The following HPS5 variants were observed in gnomAD, a reference collection of about 807,000 sequenced individuals.
HPS5 encodes the protein BLOC-2 complex member HPS5.
Under a neutral mutation model 128.0 loss-of-function variants are expected in HPS5, and 83 were observed. The ratio of observed to expected loss-of-function variants is 0.65; its 90% CI spans 0.54 to 0.78. The LOEUF (loss-of-function observed/expected upper bound fraction) is 0.78. Ranked by LOEUF, HPS5 falls within the 30% of genes least tolerant of loss-of-function variation. HPS5 has a pLI of 0.00. For synonymous variants in HPS5, 475 were observed against 470.2 expected, an observed-to-expected ratio of 1.01 and a Z score of -0.13; for missense variants, 1,281 against 1,326.2, an observed-to-expected ratio of 0.97 and a Z score of 0.53.
chr11:18,305,601 C>A, intron 7 of HPS5, 108 bp from the exon 8 acceptor site: 1 of 738,046 alleles, frequency 1.4e-6, no homozygotes, highest in Admixed American at 2.1e-5. Flanking sequence ...AATTCAAGAG[C>A]CTAACTGCAT....
rs1449650575 is a variant in HPS5, at chr11:18,309,015, T to C, written c.542A>G (p.Gln181Arg). 1 of 1,613,696 alleles carries C rather than the reference T, an allele frequency of 6.2e-7. No homozygotes were observed. Among genetic ancestry groups the C allele is most frequent in the Non-Finnish European group, 8.5e-7 (1 of 1,179,788 alleles). The change falls in exon 6 of 23, where the codon CAG becomes CGG. Residue 181 changes from glutamine (Q) to arginine (R), a missense_variant. Transcript: ENST00000349215. ...TAGCCTTCCATCCAAATAATCTAAC[T>C]GTACAACACAGGAGTCAACAGTTGT... is the stretch of plus-strand genomic sequence containing the variant. ...TITTVDSCVV[Q>R]LDYLDGRLLI...
At chr11:18,302,407 A>G (rs1861802720) in intron 8 of HPS5, among the ~76,000 whole-genome samples, 1 of 152,194 alleles carries the variant, frequency 6.6e-6, no homozygotes, top group Non-Finnish European at 1.5e-5. Context: ...ATCCTCCCTT[A>G]CAGCCCACAA....
intron 15 of HPS5, among the ~76,000 whole-genome samples, 188 bp from the exon 16 acceptor site, chr11:18,292,207 T>C (rs915329354): frequency 3.0e-5 from 4 of 132,858 alleles, no homozygotes; most frequent in African/African-American, 8.4e-5. Context: ...TGTAGTGTTT[T>C]ACTTTTTTTT....
At chr11:18,305,372 A>G in intron 8 of HPS5, 50 bp downstream of exon 8, 2 of 1,214,466 alleles carry the variant, frequency 1.6e-6, no homozygotes, top group Middle Eastern at 1.9e-4. Context: ...CAGAGATAAA[A>G]ATCTAAGTAT....
In HPS5 at chr11:18,311,897, G is replaced by A; in HGVS notation, c.219+17C>T. On this transcript the variant is annotated intron_variant, in intron 3 of 22. Transcript: ENST00000349215. The stretch of plus-strand genomic sequence containing the variant: ...GAGACTCCAAATGGTGTATGACAGA[G>A]CTGCCCTTAATCTTACCCTGTGTGA... 1 of 1,473,488 alleles carries A rather than the reference G, an allele frequency of 6.8e-7. No homozygotes were observed. Among genetic ancestry groups the A allele is most frequent in the East Asian group, 2.3e-5 (1 of 44,188 alleles). The allele number at this position is 1,473,488 out of a possible 1,614,324, so 91.3% of individuals were successfully genotyped here.
intron 2 of HPS5, among the ~76,000 whole-genome samples, chr11:18,316,059 T>C (rs1361520733): frequency 2.6e-5 from 4 of 152,008 alleles, no homozygotes; most frequent in Non-Finnish European, 1.5e-5. Flanking sequence ...AGGCCAGGAG[T>C]TCGATGTTAT....
At chr11:18,297,332 C>T (rs1861197099) in intron 11 of HPS5, among the ~76,000 whole-genome samples, 1 of 152,088 alleles carries the variant, frequency 6.6e-6, no homozygotes, top group African/African-American at 2.4e-5. Context: ...ATGAGTATAT[C>T]AGGGAACAAA....
chr11:18,304,591 C>A (rs901052818), intron 8 of HPS5, among the ~76,000 whole-genome samples: 6 of 152,160 alleles, frequency 3.9e-5, no homozygotes, highest in African/African-American at 1.4e-4. Context: ...CCCTTAGAGG[C>A]AATTAGTTAA....
At chr11:18,280,181 A>G (rs568386116) in intron 22 of HPS5, among the ~76,000 whole-genome samples, 1 of 152,366 alleles carries the variant, frequency 6.6e-6, no homozygotes, top group Admixed American at 6.5e-5. Context: ...AACAACAACG[A>G]AAACACCCAA....
Position 18,287,609 on chromosome 11 carries a change from T to C in HPS5, c.2643A>G (p.Gln881=), listed in dbSNP as rs1859900365. The C allele has an allele frequency of 3.7e-6, 6 of 1,614,206 alleles. No homozygotes were observed. The highest frequency in any genetic ancestry group is 2.2e-5 in the South Asian group (2 of 91,086). Residue 881 remains glutamine, a synonymous_variant, in exon 18 of 23, where the codon CAA becomes CAG. Coordinates refer to ENST00000349215, the MANE Select transcript of HPS5 (RefSeq NM_181507.2). ...FPSILPSDII[Q]LCHHHPAEFL... ...ACTCAGCAGGATGATGATGACAAAG[T>C]TGTATGATATCCGATGGCAAAATGG...
rs1863072533 is a variant in HPS5 at position 18,311,941 on chromosome 11, C to T, written c.192G>A (p.Trp64Ter). ...GGLHLIQKEG[W>*]KHRLFLSHRE... Reference sequence around the variant, plus strand: ...TGTGTGAAAGAAAAAGCCTGTGCTTCCAGCCTTCTTTCTGAATGAGATGGA... The same window carrying T: ...TGTGTGAAAGAAAAAGCCTGTGCTTTCAGCCTTCTTTCTGAATGAGATGGA... Residue 64 changes from tryptophan to a stop codon, truncating the protein, a stop_gained, in exon 3 of 23, where the codon TGG (tryptophan) becomes TGA (stop). Transcript: ENST00000349215. LOFTEE classifies it high-confidence loss of function. 2.5e-6 allele frequency: 4 copies of T among 1,613,790 alleles called. No homozygotes were observed. Among genetic ancestry groups the T allele is most frequent in the Non-Finnish European group, 3.4e-6 (4 of 1,179,686 alleles).
intron 18 of HPS5, among the ~76,000 whole-genome samples, 192 bp downstream of exon 18, chr11:18,287,343 G>A (rs972100791): frequency 6.6e-6 from 1 of 152,172 alleles, no homozygotes; most frequent in Non-Finnish European, 1.5e-5. Context: ...GAAGAAGTGT[G>A]GTACATGCAC....
In HPS5 at chr11:18,282,162, C is replaced by G; in HGVS notation, c.3117G>C (p.Lys1039Asn). ...WKLLLHLIQSKSTRPAPQESL... is the reference protein window; with the variant it reads ...WKLLLHLIQSNSTRPAPQESL... ...ACTCCTGGGGGGCTGGCCTCGTGCT[C>G]TTGCTCTGTATGAGATGAAGGAGAA... The change falls in exon 22 of 23, where the codon AAG becomes AAC. Residue 1039 changes from lysine (K) to asparagine (N), a missense_variant. By Grantham distance (94) the Lys-to-Asn change is moderately conservative (BLOSUM62 0). Coordinates refer to ENST00000349215, the MANE Select transcript of HPS5 (RefSeq NM_181507.2). The G allele has an allele frequency of 6.2e-7, 1 of 1,614,176 alleles. No individual in the cohort carries two copies. Among genetic ancestry groups the G allele is most frequent in the Non-Finnish European group, 8.5e-7 (1 of 1,180,026 alleles).
At chr11:18,313,502 T>C (rs1465945126) in intron 2 of HPS5, among the ~76,000 whole-genome samples, 2 of 152,224 alleles carry the variant, frequency 1.3e-5, no homozygotes, top group Non-Finnish European at 2.9e-5. Context: ...CCTTTAAAAA[T>C]CCACTTGGGC....
chr11:18,281,405 A>AT (rs1223926031), intron 22 of HPS5, among the ~76,000 whole-genome samples: 2 of 150,080 alleles, frequency 1.3e-5, no homozygotes, highest in Non-Finnish European at 3.0e-5. Context: ...GGTACCAGTA[A>AT]TTTTTTTGTT....
chr11:18,309,620 C>T (rs1862744456), intron 5 of HPS5, among the ~76,000 whole-genome samples: 1 of 152,104 alleles, frequency 6.6e-6, no homozygotes, highest in South Asian at 2.1e-4. Context: ...ATTTTAGGTC[C>T]AAAATATATT....
chr11:18,305,421 C>A lies in HPS5; in HGVS notation c.896+1G>T, dbSNP rs568392581. On this transcript the variant is annotated splice_donor_variant, in intron 8 of 22. Transcript: ENST00000349215. LOFTEE classifies it high-confidence loss of function. ...CAGAACTAAGGAAAGTAGAAACTTA[C>A]CTAAGATGTAAGAGTTTGGGGAAAG... is the stretch of plus-strand genomic sequence containing the variant. 3 of 1,585,848 alleles carry A rather than the reference C, an allele frequency of 1.9e-6. No individual in the cohort carries two copies. The highest frequency in any genetic ancestry group is 2.6e-6 in the Non-Finnish European group (3 of 1,154,760).
Position 18,321,936 on chromosome 11 carries a change from G to A in HPS5, c.-50+10C>T, listed in dbSNP as rs1864424403. On this transcript the variant is annotated intron_variant, in intron 1 of 22. Coordinates refer to ENST00000349215, the MANE Select transcript of HPS5 (RefSeq NM_181507.2). ...CCCACAAAAAGCTCCTTGCCTAGTG[G>A]AACTACTACCTTTTTAACAGCAGTA... is the stretch of plus-strand genomic sequence containing the variant. The A allele has an allele frequency of 6.6e-6, 1 of 152,232 alleles. No homozygotes were observed. Among genetic ancestry groups the A allele is most frequent in the African/African-American group, 2.4e-5 (1 of 41,434 alleles). 9.4% of individuals were successfully genotyped at this position (152,232 alleles called of 1,614,324 possible).
At chr11:18,306,872 G>C (rs979393625) in intron 6 of HPS5, among the ~76,000 whole-genome samples, 1 of 152,168 alleles carries the variant, frequency 6.6e-6, no homozygotes, top group Non-Finnish European at 1.5e-5. Context: ...AGGATTACAT[G>C]AGTTAGATAT....
Sources: allele counts gnomAD v4.1 joint callset (sites outside exome capture counted in the v4.1 genomes callset), GRCh38; gene constraint gnomAD v4.1.1; transcripts MANE v1.5; gene names NCBI Gene and HGNC (gene_info 2026-07-23, HGNC 2026-07-21).